MGA: variants seen among roughly 807,000 people sequenced by gnomAD.
MGA encodes MAX gene-associated protein.
In MGA, 40 loss-of-function variants were observed where a neutral mutation model predicts 261.1. The ratio of observed to expected loss-of-function variants is 0.15; its 90% CI spans 0.12 to 0.20. MGA has a LOEUF of 0.20. Ranked by LOEUF, MGA falls within the 10% of genes least tolerant of loss-of-function variation. The pLI is 1.00. For missense variants in MGA, 3,397 were observed against 3,630.5 expected (o/e 0.94, Z 1.65); for synonymous variants, 1,302 against 1,290.6 (o/e 1.01, Z -0.19).
Position 41,710,952 on chromosome 15 carries a change from G to T in MGA, c.2687G>T (p.Arg896Leu), listed in dbSNP as rs1279279018. ...CCTCATTCTGTACCCCCTGTCTCTC[G>T]AAAGGCAAAGTCTCAAAACAGACAG... The change falls in exon 8 of 24, where the codon CGA becomes CTA. Residue 896 changes from arginine (R) to leucine (L), a missense_variant. By Grantham distance (102) the Arg-to-Leu change is moderately radical. This residue lies in a region of MGA where 519 missense variants were observed against 554.1 expected (regional missense o/e 0.94). Transcript: ENST00000219905. The T allele has an allele frequency of 1.2e-6, 2 of 1,613,856 alleles. No homozygotes were observed. Among genetic ancestry groups the T allele is most frequent in the Non-Finnish European group, 1.7e-6 (2 of 1,179,876 alleles).
chr15:41,733,379 C>A (rs1407938015), intron 11 of MGA, among the ~76,000 whole-genome samples: 1 of 152,116 alleles, frequency 6.6e-6, no homozygotes, highest in Non-Finnish European at 1.5e-5. Flanking sequence ...GTCTGTCCAA[C>A]CCATGGAGGA....
chr15:41,694,589 C>T (rs921365172), intron 2 of MGA, among the ~76,000 whole-genome samples: 7 of 151,220 alleles, frequency 4.6e-5, no homozygotes, highest in African/African-American at 7.3e-5. Context: ...TGCAGTGGCA[C>T]GATCTCGGCT....
In MGA at chr15:41,669,853, G is replaced by A. The variant is rs79850780; in HGVS notation, c.959G>A (p.Gly320Asp). ...AGGGGTCATGAAACATCAGGCAAGG[G>A]TTTGGAGAAGACTTCCCTTAATATA... is the stretch of plus-strand genomic sequence containing the variant. The change falls in exon 2 of 24, where the codon GGT becomes GAT. Residue 320 changes from glycine (G) to aspartate (D), a missense_variant. This residue lies in a region of MGA where 563 missense variants were observed against 563.6 expected (regional missense o/e 1.00). Coordinates refer to ENST00000219905, the MANE Select transcript of MGA (RefSeq NM_001164273.2). 273 of 1,613,984 alleles carry A rather than the reference G, an allele frequency of 1.7e-4. No homozygotes were observed. In the East Asian group the frequency reaches 5.3e-3, roughly 31 times the overall value.
At chr15:41,704,033 G>A (rs560214310) in intron 5 of MGA, among the ~76,000 whole-genome samples, 39 of 151,944 alleles carry the variant, frequency 2.6e-4, no homozygotes, top group Non-Finnish European at 4.3e-4. Context: ...GCCTGGTCTC[G>A]AACTCTTCAG....
chr15:41,728,262 C>T (rs1004524605), intron 10 of MGA, among the ~76,000 whole-genome samples: 14 of 152,054 alleles, frequency 9.2e-5, no homozygotes, highest in African/African-American at 2.7e-4. Context: ...ACCTGGGAGG[C>T]GGAGGTTGTG....
intron 1 of MGA, among the ~76,000 whole-genome samples, chr15:41,622,574 C>G (rs186290359): frequency 3.3e-5 from 5 of 152,080 alleles, no homozygotes; most frequent in African/African-American, 1.2e-4. Context: ...GACATCTAAT[C>G]CCTATGTATT....
intron 5 of MGA, among the ~76,000 whole-genome samples, chr15:41,700,841 G>T (rs1211206206): frequency 1.3e-5 from 2 of 152,162 alleles, no homozygotes; most frequent in African/African-American, 2.4e-5. Flanking sequence ...TTTCAGAAGG[G>T]TGTCTAGACT....
Position 41,766,302 on chromosome 15 carries a change from A to C in MGA, c.8220A>C (p.Gln2740His). 6.2e-7 allele frequency: 1 copy of C among 1,613,940 alleles called. No homozygotes were observed. Among genetic ancestry groups the C allele is most frequent in the South Asian group, 1.1e-5 (1 of 91,058 alleles). Reference sequence around the variant, plus strand: ...ACGTTTCCAATATGCAGAAAGCACAAGAGTTCTTACCTAAAAAGATTTCTG... The same window carrying C: ...ACGTTTCCAATATGCAGAAAGCACACGAGTTCTTACCTAAAAAGATTTCTG... Residue 2740 changes from glutamine (Q) to histidine (H), a missense_variant, in exon 24 of 24, where the codon CAA becomes CAC. Gln to His is a conservative substitution (Grantham distance 24). This residue lies in a region of MGA where 647 missense variants were observed against 642.4 expected (regional missense o/e 1.01). Coordinates refer to ENST00000219905, the MANE Select transcript of MGA (RefSeq NM_001164273.2).
chr15:41,672,610 C>T (rs2058121708), intron 2 of MGA, among the ~76,000 whole-genome samples: 1 of 152,150 alleles, frequency 6.6e-6, no homozygotes, highest in African/African-American at 2.4e-5. Context: ...CAAGAAATAG[C>T]ATTATCTTTG....
In MGA at chr15:41,725,972, A is replaced by G. The variant is rs150832093; in HGVS notation, c.3431-1208A>G. 2.6e-4 allele frequency among the ~76,000 whole-genome samples: 40 copies of G among 152,156 alleles called. No homozygotes were observed. The East Asian group carries it at 7.5e-3, about 29-fold the overall frequency. On this transcript the variant is annotated intron_variant, in intron 9 of 23. Coordinates refer to ENST00000219905, the MANE Select transcript of MGA (RefSeq NM_001164273.2). The stretch of plus-strand genomic sequence containing the variant: ...CTTTGTGCACATTTTTTGGGGGATT[A>G]TTTATTAACAAGTAAAAATGCATAT...
At position 41,769,204 on chromosome 15, in the gene MGA, A is replaced by G. The variant is rs947608693; in HGVS notation, c.*1924A>G. 1.3e-5 allele frequency: 2 copies of G among 152,184 alleles called. No individual in the cohort carries two copies. The highest frequency in any genetic ancestry group is 2.4e-5 in the African/African-American group (1 of 41,294). The allele number at this position is 152,184 out of a possible 1,614,324, so 9.4% of individuals were successfully genotyped here. On this transcript the variant is annotated 3_prime_UTR_variant, in exon 24 of 24. Coordinates refer to ENST00000219905, the MANE Select transcript of MGA (RefSeq NM_001164273.2). ...CCCCTACATTTCCTCCTGATTTCCC[A>G]AGACTCTCTTTGTGGCTTTTGAGGG...
intron 1 of MGA, among the ~76,000 whole-genome samples, chr15:41,628,036 C>G: frequency 6.6e-6 from 1 of 152,218 alleles, no homozygotes; most frequent in South Asian, 2.1e-4. Context: ...AAAGTCCATG[C>G]CCTCATGGAA....
chr15:41,743,544 A>AG (rs2062239127), intron 15 of MGA, among the ~76,000 whole-genome samples: 1 of 152,256 alleles, frequency 6.6e-6, no homozygotes, highest in African/African-American at 2.4e-5. Context: ...AGGATACTGA[A>AG]GTAATGCAGG....
intron 1 of MGA, among the ~76,000 whole-genome samples, chr15:41,629,591 T>C (rs942444043): frequency 2.0e-5 from 3 of 149,374 alleles, no homozygotes; most frequent in Non-Finnish European, 4.4e-5. Context: ...ATTAGCTGGG[T>C]GTGGTGGTGT....
At chr15:41,696,008 T>C in intron 2 of MGA, 67 bp from the exon 3 acceptor site, 3 of 1,176,954 alleles carry the variant, frequency 2.5e-6, no homozygotes, top group Non-Finnish European at 3.6e-6. Context: ...TTTTTTTTTT[T>C]TCTCTTCAAG....
At chr15:41,650,712 A>G (rs985274250) in intron 1 of MGA, among the ~76,000 whole-genome samples, 1 of 152,224 alleles carries the variant, frequency 6.6e-6, no homozygotes, top group South Asian at 2.1e-4. Flanking sequence ...TGCTGAGATT[A>G]CAGGCGTGAG....
chr15:41,674,653 G>C (rs1045961759), intron 2 of MGA, among the ~76,000 whole-genome samples: 6 of 150,952 alleles, frequency 4.0e-5, no homozygotes, highest in Admixed American at 3.3e-4. Context: ...CTGAGTAGTT[G>C]GGACTATAGA....
At chr15:41,655,104 C>T (rs964643522) in intron 1 of MGA, among the ~76,000 whole-genome samples, 1 of 151,902 alleles carries the variant, frequency 6.6e-6, no homozygotes, top group Non-Finnish European at 1.5e-5. Context: ...ATGCTCAAGT[C>T]TCTTCTATAA....
At chr15:41,680,222 C>T (rs1270121956) in intron 2 of MGA, among the ~76,000 whole-genome samples, 1 of 152,198 alleles carries the variant, frequency 6.6e-6, no homozygotes, top group Non-Finnish European at 1.5e-5. Flanking sequence ...CTTACTCTGT[C>T]TCTTGAGTAT....
Sources: gnomAD v4.1 joint callset for allele counts (sites outside exome capture counted in the v4.1 genomes callset) on GRCh38, gnomAD v4.1.1 for gene constraint, gnomAD v4.1.1 regional missense constraint, MANE v1.5 for transcripts, NCBI Gene and HGNC (gene_info 2026-07-23, HGNC 2026-07-21) for gene names.